NRXN1: variants seen among roughly 807,000 people sequenced by gnomAD.
The protein encoded by NRXN1 is neurexin 1.
NRXN1 carries 39 observed loss-of-function variants against 150.9 expected under a neutral mutation model. The ratio of observed to expected loss-of-function variants is 0.26; its 90% confidence interval spans 0.20 to 0.34. The LOEUF is 0.34. NRXN1 is among the 10% of genes least tolerant of loss of function. The pLI is 1.00. For missense variants in NRXN1, 1,815 were observed against 1,949.9 expected, an observed-to-expected ratio of 0.93 and a Z score of 1.30; for synonymous variants, 924 against 757.0, an observed-to-expected ratio of 1.22 and a Z score of -3.62.
At chr2:50,432,834 T>C (rs558883690) in intron 17 of NRXN1, among the ~76,000 whole-genome samples, 7 of 152,358 alleles carry the variant, frequency 4.6e-5, no homozygotes, top group Non-Finnish European at 1.0e-4. Flanking sequence ...GGTAGATTTT[T>C]TTAGTTGTTA....
intron 18 of NRXN1, among the ~76,000 whole-genome samples, chr2:50,093,378 G>A (rs1308947103): frequency 2.0e-5 from 3 of 151,734 alleles, no homozygotes; most frequent in Non-Finnish European, 4.4e-5. Context: ...CAGTTTGGGA[G>A]GCCAAGGTGA....
At chr2:49,979,306 C>T (rs1679565623) in intron 21 of NRXN1, among the ~76,000 whole-genome samples, 1 of 152,032 alleles carries the variant, frequency 6.6e-6, no homozygotes, top group Admixed American at 6.6e-5. Context: ...AACAAAGAAA[C>T]AAAAACTTAG....
chr2:50,861,865 GT>G (rs1436910799), intron 5 of NRXN1, among the ~76,000 whole-genome samples: 1 of 151,976 alleles, frequency 6.6e-6, no homozygotes, highest in Non-Finnish European at 1.5e-5. Context: ...TTAATAGATT[GT>G]TTAGTCACTC....
At chr2:51,001,210 C>A (rs1294759039) in intron 2 of NRXN1, among the ~76,000 whole-genome samples, 1 of 103,434 alleles carries the variant, frequency 9.7e-6, no homozygotes, top group Admixed American at 1.6e-4. Flanking sequence ...CAACCACATA[C>A]GTACAATGGT....
intron 17 of NRXN1, among the ~76,000 whole-genome samples, chr2:50,459,396 A>C (rs1341823572): frequency 1.3e-5 from 2 of 152,082 alleles, no homozygotes; most frequent in Non-Finnish European, 2.9e-5. Flanking sequence ...TGTTGTACAG[A>C]TCACTTCATC....
At chr2:50,740,029 G>A (rs1427085198) in intron 5 of NRXN1, among the ~76,000 whole-genome samples, 3 of 152,000 alleles carry the variant, frequency 2.0e-5, no homozygotes, top group Admixed American at 6.6e-5. Context: ...CTCGTACAAG[G>A]GATGCTTTGT....
chr2:50,633,195 T>C (rs1211751307), intron 5 of NRXN1, among the ~76,000 whole-genome samples: 2 of 152,098 alleles, frequency 1.3e-5, no homozygotes, highest in Non-Finnish European at 2.9e-5. Context: ...TGAAAACAAA[T>C]GGGCCTGGGC....
At chr2:50,470,903 T>C (rs2089392872) in intron 16 of NRXN1, among the ~76,000 whole-genome samples, 1 of 151,764 alleles carries the variant, frequency 6.6e-6, no homozygotes, top group African/African-American at 2.4e-5. Flanking sequence ...AAGAAGATAC[T>C]TCAGTGCATT....
chr2:50,129,158 T>TATC (rs1705090077), intron 18 of NRXN1, among the ~76,000 whole-genome samples: 1 of 152,254 alleles, frequency 6.6e-6, no homozygotes, highest in African/African-American at 2.4e-5. Flanking sequence ...GAAATTATCC[T>TATC]ATCTGAATAC....
chr2:50,374,020 C>T (rs541088849), intron 17 of NRXN1, among the ~76,000 whole-genome samples: 7 of 151,978 alleles, frequency 4.6e-5, no homozygotes, highest in Non-Finnish European at 1.0e-4. Context: ...ACGATGGAGG[C>T]TGGGTGTGGG....
At chr2:50,932,637 C>A (rs1687929160) in intron 2 of NRXN1, among the ~76,000 whole-genome samples, 1 of 152,006 alleles carries the variant, frequency 6.6e-6, no homozygotes, top group Non-Finnish European at 1.5e-5. Flanking sequence ...GTGTACACTG[C>A]TCGGGTGATG....
intron 5 of NRXN1, among the ~76,000 whole-genome samples, chr2:50,667,089 C>T (rs921473350): frequency 6.6e-6 from 1 of 151,818 alleles, no homozygotes; most frequent in Non-Finnish European, 1.5e-5. Flanking sequence ...AATTGGGATG[C>T]TTTACTCATT....
intron 5 of NRXN1, among the ~76,000 whole-genome samples, chr2:50,652,440 T>C: frequency 6.6e-6 from 1 of 152,070 alleles, no homozygotes; most frequent in Non-Finnish European, 1.5e-5. Flanking sequence ...TTTTTGTCTG[T>C]ATAGGTTTGC....
chr2:50,373,679 A>G (rs1292938486), intron 17 of NRXN1, among the ~76,000 whole-genome samples: 1,167 of 65,608 alleles, frequency 0.018, 38 homozygotes, highest in African/African-American at 0.064. Flanking sequence ...AGAAAGAAAG[A>G]AAAGAAAGAA....
intron 5 of NRXN1, among the ~76,000 whole-genome samples, chr2:50,639,070 A>T (rs2104462789): frequency 6.6e-6 from 1 of 152,228 alleles, no homozygotes; most frequent in South Asian, 2.1e-4. Context: ...TATACATTAA[A>T]AAAATGAAGG....
chr2:50,079,561 A>C (rs941932224), intron 19 of NRXN1, among the ~76,000 whole-genome samples: 4 of 152,050 alleles, frequency 2.6e-5, no homozygotes, highest in Non-Finnish European at 5.9e-5. Context: ...TAATTGTTAT[A>C]TCTGAGGTAC....
chr2:51,017,663 T>C (rs1469885634), intron 2 of NRXN1, among the ~76,000 whole-genome samples: 4 of 151,772 alleles, frequency 2.6e-5, no homozygotes, highest in Non-Finnish European at 5.9e-5. Flanking sequence ...ACTTTTTAAA[T>C]AGACATTCAT....
chr2:49,967,027 C>T (rs1677083073), intron 21 of NRXN1, among the ~76,000 whole-genome samples: 1 of 151,462 alleles, frequency 6.6e-6, no homozygotes, highest in Non-Finnish European at 1.5e-5. Context: ...TTCTCTTAGG[C>T]AATTGGTGGA....
intron 17 of NRXN1, among the ~76,000 whole-genome samples, chr2:50,446,419 CCCTCCTTCCTTT>C (rs767463752): frequency 3.2e-4 from 42 of 132,550 alleles, no homozygotes; most frequent in Non-Finnish European, 5.9e-4. Context: ...TTCCTTCCTT[CCCTCCTTCCTTT>C]CCTCCTTCCT....
Sources: allele counts gnomAD v4.1 joint callset (sites outside exome capture counted in the v4.1 genomes callset), GRCh38; gene constraint gnomAD v4.1.1; transcripts MANE v1.5; gene names NCBI Gene and HGNC (gene_info 2026-07-23, HGNC 2026-07-21).